CTNNA3: variants seen among roughly 807,000 people sequenced by gnomAD.
CTNNA3 encodes the protein catenin alpha-3.
In CTNNA3, 76 loss-of-function variants were observed where a neutral mutation model predicts 95.7. The ratio of observed to expected loss-of-function variants is 0.79; its 90% CI spans 0.66 to 0.96. The LOEUF (loss-of-function observed/expected upper bound fraction) is 0.96, where lower values mean the gene tolerates loss of function less well. Ranked by LOEUF, CTNNA3 falls within the 40% of genes least tolerant of loss-of-function variation. The probability of loss-of-function intolerance (pLI) is 0.00; values close to 1 mark genes in which losing one functional copy is unlikely to be tolerated. For missense variants in CTNNA3, 1,191 were observed against 1,089.8 expected (o/e 1.09, Z -1.31); for synonymous variants, 431 against 374.4 (o/e 1.15, Z -1.74).
chr10:66,291,786 G>C (rs1326887008), intron 12 of CTNNA3, among the ~76,000 whole-genome samples: 1 of 151,280 alleles, frequency 6.6e-6, no homozygotes, highest in Non-Finnish European at 1.5e-5. Context: ...ATGTGTATGT[G>C]TGTGTATTTG....
At chr10:67,153,907 T>C (rs887283341) in intron 7 of CTNNA3, among the ~76,000 whole-genome samples, 5 of 152,110 alleles carry the variant, frequency 3.3e-5, no homozygotes, top group East Asian at 1.9e-4. Flanking sequence ...GAAAATGCAA[T>C]GTAAAAGTAT....
intron 11 of CTNNA3, among the ~76,000 whole-genome samples, chr10:66,426,865 T>G (rs1468246699): frequency 6.6e-6 from 1 of 152,006 alleles, no homozygotes; most frequent in Non-Finnish European, 1.5e-5. Flanking sequence ...ATGTTATAAT[T>G]TCTCAATCTC....
At chr10:66,608,081 A>T (rs983230656) in intron 10 of CTNNA3, among the ~76,000 whole-genome samples, 2 of 152,032 alleles carry the variant, frequency 1.3e-5, no homozygotes, top group African/African-American at 4.8e-5. Context: ...TTAAGCTAAT[A>T]AAAAAACTTC....
At chr10:67,700,491 T>C (rs1841027863), upstream of CTNNA3, among the ~76,000 whole-genome samples, 1 of 152,156 alleles carries the variant, frequency 6.6e-6, no homozygotes, top group South Asian at 2.1e-4. Flanking sequence ...TTTTGCAATC[T>C]CCGCTGCTGA....
intron 11 of CTNNA3, among the ~76,000 whole-genome samples, chr10:66,444,737 C>T (rs536346686): frequency 2.5e-4 from 38 of 152,238 alleles, no homozygotes; most frequent in African/African-American, 9.1e-4. Flanking sequence ...AATGTAAAGA[C>T]CATCAAGGCT....
chr10:67,690,155 G>A (rs1338427171), intron 1 of CTNNA3, among the ~76,000 whole-genome samples: 3 of 152,108 alleles, frequency 2.0e-5, no homozygotes, highest in Admixed American at 2.0e-4. Context: ...GACTTCAGGA[G>A]TGAAGCCACA....
intron 13 of CTNNA3, among the ~76,000 whole-genome samples, chr10:66,205,376 A>G (rs575187750): frequency 6.6e-6 from 1 of 152,158 alleles, no homozygotes; most frequent in African/African-American, 2.4e-5. Flanking sequence ...TGCTGAAAAC[A>G]TTAGTGAGAA....
At chr10:66,547,806 G>C (rs559215797) in intron 10 of CTNNA3, among the ~76,000 whole-genome samples, 2 of 152,182 alleles carry the variant, frequency 1.3e-5, no homozygotes, top group African/African-American at 4.8e-5. Flanking sequence ...GTTAGATTGA[G>C]AAATACAGAT....
chr10:67,350,120 T>C (rs1589198727), intron 5 of CTNNA3, among the ~76,000 whole-genome samples: 1 of 152,226 alleles, frequency 6.6e-6, no homozygotes, highest in African/African-American at 2.4e-5. Context: ...TCATGACCTA[T>C]TTGAAAATGA....
intron 7 of CTNNA3, among the ~76,000 whole-genome samples, chr10:67,067,881 T>C (rs1282281280): frequency 1.3e-5 from 2 of 152,358 alleles, no homozygotes; most frequent in African/African-American, 4.8e-5. Flanking sequence ...GCTGAAAGTA[T>C]GTACAGGGTC....
intron 3 of CTNNA3, among the ~76,000 whole-genome samples, chr10:67,596,120 A>G (rs1224249070): frequency 6.6e-6 from 1 of 152,114 alleles, no homozygotes; most frequent in Non-Finnish European, 1.5e-5. Flanking sequence ...CATTTAACCC[A>G]TTTACATTTA....
intron 7 of CTNNA3, among the ~76,000 whole-genome samples, chr10:67,008,907 T>G (rs561761479): frequency 5.3e-4 from 80 of 152,318 alleles, no homozygotes; most frequent in Non-Finnish European, 1.0e-3. Context: ...TAACTTCTTA[T>G]GGGCTTGAAA....
intron 7 of CTNNA3, among the ~76,000 whole-genome samples, chr10:67,055,821 A>C (rs1283630765): frequency 6.6e-6 from 1 of 152,104 alleles, no homozygotes. Flanking sequence ...TTTCCCCAAC[A>C]ACCTCCATAT....
At chr10:65,968,703 C>T (rs964860537) in intron 16 of CTNNA3, among the ~76,000 whole-genome samples, 1 of 152,206 alleles carries the variant, frequency 6.6e-6, no homozygotes, top group Non-Finnish European at 1.5e-5. Context: ...GTAGAGGAGC[C>T]TCTCTGCTTC....
chr10:66,407,831 G>T (rs1196971928), intron 11 of CTNNA3, among the ~76,000 whole-genome samples: 1 of 152,122 alleles, frequency 6.6e-6, no homozygotes, highest in Non-Finnish European at 1.5e-5. Flanking sequence ...CACCCGCCCT[G>T]GCCTCCCAAA....
intron 12 of CTNNA3, among the ~76,000 whole-genome samples, chr10:66,346,881 T>C (rs770798026): frequency 1.3e-5 from 2 of 151,694 alleles, no homozygotes; most frequent in Non-Finnish European, 2.9e-5. Context: ...AGTGGAAAAA[T>C]TGAGGTGATG....
intron 10 of CTNNA3, among the ~76,000 whole-genome samples, chr10:66,560,494 A>G (rs1447332769): frequency 6.6e-6 from 1 of 152,026 alleles, no homozygotes. Context: ...AAGGTGTTGC[A>G]ACACAGGTAT....
chr10:66,380,621 C>CTA (rs1488969128), intron 11 of CTNNA3, among the ~76,000 whole-genome samples: 29 of 105,726 alleles, frequency 2.7e-4, no homozygotes, highest in Middle Eastern at 4.5e-3. Context: ...ATCTATCTAT[C>CTA]TATCTATATA....
intron 7 of CTNNA3, among the ~76,000 whole-genome samples, chr10:66,864,480 C>T (rs972773652): frequency 6.6e-6 from 1 of 152,060 alleles, no homozygotes; most frequent in Non-Finnish European, 1.5e-5. Context: ...AAGTAAATTT[C>T]TTTTCTGTAT....
Sources: allele counts gnomAD v4.1 joint callset (sites outside exome capture counted in the v4.1 genomes callset), GRCh38; gene constraint gnomAD v4.1.1; transcripts MANE v1.5; gene names NCBI Gene and HGNC (gene_info 2026-07-23, HGNC 2026-07-21).